The following EP400 variants were observed in gnomAD, a reference collection of about 807,000 sequenced individuals.
EP400 encodes E1A-binding protein p400.
EP400 carries 105 observed loss-of-function variants against 354.1 expected under a neutral mutation model. That is an observed-to-expected ratio of 0.30 (90% confidence interval 0.25 to 0.35). The LOEUF (loss-of-function observed/expected upper bound fraction) is 0.35. Among genes scored for constraint, EP400 ranks in the 10% least tolerant of loss-of-function variants. The probability of loss-of-function intolerance (pLI) is 1.00; values close to 1 mark genes in which losing one functional copy is unlikely to be tolerated. For missense variants in EP400, 3,280 were observed against 4,121.0 expected, an observed-to-expected ratio of 0.80 and a Z score of 5.59; for synonymous variants, 1,646 against 1,716.9, an observed-to-expected ratio of 0.96 and a Z score of 1.02.
chr12:132,012,908 C>A, intron 16 of EP400, 101 bp from the exon 17 acceptor site: 1 of 1,235,496 alleles, frequency 8.1e-7, no homozygotes, highest in Non-Finnish European at 1.1e-6. Flanking sequence ...TAGGTGGGAA[C>A]GGAGTCACTG....
In EP400 at chr12:132,050,160, T is replaced by C. The variant is rs941294837; in HGVS notation, c.7201-163T>C. On this transcript the variant is annotated intron_variant, in intron 39 of 52. Coordinates refer to ENST00000389561, the MANE Select transcript of EP400 (RefSeq NM_015409.5). The surrounding 1 kb of genome is among the most constrained non-coding windows in gnomAD (Gnocchi z 4.8). ...CGCGACAGCCACTTAATGCCGCTGC[T>C]GTTGGGTTATGCCTGAACTTGGAAA... 6.6e-6 allele frequency among the ~76,000 whole-genome samples: 1 copy of C among 152,214 alleles called. No individual in the cohort carries two copies. Among genetic ancestry groups the C allele is most frequent in the African/African-American group, 2.4e-5 (1 of 41,456 alleles).
chr12:131,982,986 T>G, intron 5 of EP400, among the ~76,000 whole-genome samples: 1 of 135,364 alleles, frequency 7.4e-6, no homozygotes, highest in East Asian at 2.0e-4. Context: ...AAAAAAAAAA[T>G]AATAATAATA....
chr12:131,985,461 G>T (rs148513912), intron 5 of EP400, among the ~76,000 whole-genome samples: 3 of 152,226 alleles, frequency 2.0e-5, no homozygotes, highest in Non-Finnish European at 2.9e-5. Context: ...GTGCTCTAGC[G>T]GTTCTGTCTC....
intron 32 of EP400, among the ~76,000 whole-genome samples, chr12:132,042,899 A>G (rs1593368747): frequency 6.6e-6 from 1 of 152,362 alleles, no homozygotes; most frequent in East Asian, 1.9e-4. Context: ...TTTCCTGGAC[A>G]GCAGCCTCTG....
chr12:132,069,111 C>T (rs542040365), intron 50 of EP400: 148 of 207,084 alleles, frequency 7.1e-4, no homozygotes, highest in African/African-American at 3.2e-3. Flanking sequence ...TTCTTTATGT[C>T]TGCCAAGTTT....
At chr12:132,000,093 T>C (rs1893358134) in intron 12 of EP400, among the ~76,000 whole-genome samples, 1 of 151,978 alleles carries the variant, frequency 6.6e-6, no homozygotes, top group South Asian at 2.1e-4. Context: ...ATGACTAGCT[T>C]CCTAATTTTC....
chr12:132,009,371 G>A (rs772492778), intron 15 of EP400, among the ~76,000 whole-genome samples: 3 of 152,170 alleles, frequency 2.0e-5, no homozygotes, highest in Non-Finnish European at 4.4e-5. Context: ...TCCTGAGGTT[G>A]CAGCCCTGCT....
chr12:131,995,847 G>C (rs1167252424), intron 12 of EP400, among the ~76,000 whole-genome samples: 3 of 149,804 alleles, frequency 2.0e-5, no homozygotes, highest in Non-Finnish European at 2.9e-5. Flanking sequence ...CGTTCATCCT[G>C]AGTGTGTGAG....
intron 29 of EP400, chr12:132,031,130 C>A: frequency 2.3e-6 from 1 of 438,678 alleles, no homozygotes. Flanking sequence ...GTTTCTGGCA[C>A]AGAAATCGTT....
chr12:132,077,751 A>T lies in EP400; in HGVS notation c.*78A>T. The T allele has an allele frequency of 6.9e-7, 1 of 1,447,790 alleles. No individual in the cohort carries two copies. Among genetic ancestry groups the T allele is most frequent in the Non-Finnish European group, 9.1e-7 (1 of 1,093,546 alleles). The allele number at this position is 1,447,790 out of a possible 1,614,324, so 89.7% of individuals were successfully genotyped here. A position where few individuals can be genotyped will look rare whatever the true frequency, so the allele number is the denominator to read the frequency against. ...AAACGCTTTATTAGTGAACCTTGGG[A>T]CCATGTCACGCAAGAGATTCAGCAC... On this transcript the variant is annotated 3_prime_UTR_variant, in exon 53 of 53. Coordinates refer to ENST00000389561, the MANE Select transcript of EP400 (RefSeq NM_015409.5).
chr12:132,064,872 C>A lies in EP400; in HGVS notation c.8539C>A (p.Gln2847Lys). The A allele has an allele frequency of 6.2e-7, 1 of 1,609,012 alleles. No homozygotes were observed. Among genetic ancestry groups the A allele is most frequent in the East Asian group, 2.2e-5 (1 of 44,790 alleles). ...GACGGGCACCACCGTGGCCAACCTCCAGGTGGCCCGGCTCGTAAGTGTCAG... is the reference window on the plus strand; with the variant it reads ...GACGGGCACCACCGTGGCCAACCTCAAGGTGGCCCGGCTCGTAAGTGTCAG... The part of the protein sequence containing the change: ...LLTGTTVANL[Q>K]VARLTRVPTS... The change falls in exon 48 of 53, where the codon CAG becomes AAG. Residue 2847 changes from glutamine to lysine, a missense_variant. Gln to Lys is a moderately conservative substitution (Grantham distance 53). Transcript: ENST00000389561.
At position 132,054,540 on chromosome 12, in the gene EP400, C is replaced by G. The variant is rs180948671; in HGVS notation, c.7729-434C>G. On this transcript the variant is annotated intron_variant, in intron 43 of 52. Transcript: ENST00000389561. This position sits in a 1 kb window ranked among gnomAD's most constrained non-coding sequence, Gnocchi z 4.0. ...TTGTTAGGAAACACCTTTCTGAGGACTTGGCATTTGAGCTAAGGCCTGAAT... is the reference window on the plus strand; with the variant it reads ...TTGTTAGGAAACACCTTTCTGAGGAGTTGGCATTTGAGCTAAGGCCTGAAT... Among the ~76,000 whole-genome samples the G allele has an allele frequency of 6.6e-6, 1 of 152,286 alleles. No homozygotes were observed. The highest frequency in any genetic ancestry group is 1.9e-4 in the East Asian group (1 of 5,182).
chr12:132,018,680 T>G lies in EP400; in HGVS notation c.4277+304T>G, dbSNP rs1894024103. The stretch of plus-strand genomic sequence containing the variant: ...GTGCCTCGTGTGGTGGAGGCTGGTG[T>G]GGCCGAACCACACATGTGTCGTGAG... On this transcript the variant is annotated intron_variant, in intron 21 of 52. Transcript: ENST00000389561. The surrounding 1 kb of genome is among the most constrained non-coding windows in gnomAD (Gnocchi z 4.0). 6.6e-6 allele frequency among the ~76,000 whole-genome samples: 1 copy of G among 152,154 alleles called. No homozygotes were observed.
At position 131,949,948 on chromosome 12, in the gene EP400, C is replaced by T. The variant is rs1202646094; in HGVS notation, c.-124C>T. On this transcript the variant is annotated 5_prime_UTR_variant, in exon 1 of 53. Transcript: ENST00000389561. The stretch of plus-strand genomic sequence containing the variant: ...GCAGCCGCGCCGCCGCTTCCTCCCG[C>T]CGGGGCCCCGGATGCACTGAGCGGC... 3 of 151,900 alleles carry T rather than the reference C, an allele frequency of 2.0e-5. No individual in the cohort carries two copies. The highest frequency in any genetic ancestry group is 4.4e-5 in the Non-Finnish European group (3 of 67,938). 9.4% of individuals were successfully genotyped at this position (151,900 alleles called of 1,614,324 possible). A position where few individuals can be genotyped will look rare whatever the true frequency, so the allele number is the denominator to read the frequency against.
At chr12:131,950,845 C>T (rs1891450459) in intron 1 of EP400, among the ~76,000 whole-genome samples, 1 of 152,244 alleles carries the variant, frequency 6.6e-6, no homozygotes. Context: ...CCTCGACCTC[C>T]CGAGTGGTTG....
intron 32 of EP400, 83 bp from the exon 33 acceptor site, chr12:132,043,221 T>C (rs1426248621): frequency 1.4e-6 from 2 of 1,477,352 alleles, no homozygotes; most frequent in African/African-American, 1.4e-5. Flanking sequence ...GCATCTCCAT[T>C]AACTTTACAT....
At position 132,018,882 on chromosome 12, in the gene EP400, C is replaced by CA. The variant is rs1170130541; in HGVS notation, c.4277+510dup. On this transcript the variant is annotated intron_variant, in intron 21 of 52. Transcript: ENST00000389561. The surrounding 1 kb of genome is among the most constrained non-coding windows in gnomAD (Gnocchi z 4.0). ...TCTAAATCTAGCAATTGGAAATATC[C>CA]AAAATCCTATGCTTGGGTTAAAAAG... is the stretch of plus-strand genomic sequence containing the variant. 1.3e-5 allele frequency among the ~76,000 whole-genome samples: 2 copies of CA among 152,176 alleles called. No individual in the cohort carries two copies. The highest frequency in any genetic ancestry group is 1.3e-4 in the Admixed American group (2 of 15,284).
At chr12:132,053,726 C>A in intron 43 of EP400, 129 bp downstream of exon 43, 1 of 1,074,868 alleles carries the variant, frequency 9.3e-7, no homozygotes, top group Non-Finnish European at 1.3e-6. Flanking sequence ...TGTAGACCTT[C>A]CTCTGAAGAA....
chr12:132,000,155 C>A (rs1893359599), intron 12 of EP400, among the ~76,000 whole-genome samples: 2 of 151,848 alleles, frequency 1.3e-5, no homozygotes, highest in Non-Finnish European at 2.9e-5. Context: ...CGTAATACTG[C>A]TTTAGCTGAA....
Sources: gnomAD v4.1 joint callset for allele counts (sites outside exome capture counted in the v4.1 genomes callset) on GRCh38, gnomAD v4.1.1 for gene constraint, Gnocchi (gnomAD v3.1) non-coding constraint, MANE v1.5 for transcripts, NCBI Gene and HGNC (gene_info 2026-07-23, HGNC 2026-07-21) for gene names.